SLC4A10: variants seen among roughly 807,000 people sequenced by gnomAD.
SLC4A10 encodes the protein solute carrier family 4 member 10.
Under a neutral mutation model 137.7 loss-of-function variants are expected in SLC4A10, and 42 were observed. The ratio of observed to expected loss-of-function variants is 0.30; its 90% CI spans 0.24 to 0.39. SLC4A10 has a LOEUF of 0.39. Ranked by LOEUF, SLC4A10 falls within the 10% of genes least tolerant of loss-of-function variation. The probability of loss-of-function intolerance (pLI) is 1.00; values close to 1 mark genes in which losing one functional copy is unlikely to be tolerated. For synonymous variants in SLC4A10, 474 were observed against 464.1 expected (o/e 1.02, Z -0.27); for missense variants, 925 against 1,355.0 (o/e 0.68, Z 4.98).
chr2:161,639,744 T>G (rs1000072849), intron 1 of SLC4A10, among the ~76,000 whole-genome samples: 1 of 152,148 alleles, frequency 6.6e-6, no homozygotes, highest in African/African-American at 2.4e-5. Flanking sequence ...CCACTTTTAT[T>G]CAACATAATT....
intron 1 of SLC4A10, among the ~76,000 whole-genome samples, chr2:161,634,545 C>T (rs533046477): frequency 4.0e-5 from 6 of 151,862 alleles, no homozygotes; most frequent in South Asian, 4.1e-4. Flanking sequence ...TGCCTCATGA[C>T]TTTTTAAAAC....
intron 11 of SLC4A10, among the ~76,000 whole-genome samples, chr2:161,898,313 A>G (rs1473976920): frequency 6.6e-6 from 1 of 152,108 alleles, no homozygotes; most frequent in East Asian, 1.9e-4. Flanking sequence ...AAATAGACAT[A>G]TGTAGTTTGT....
intron 1 of SLC4A10, among the ~76,000 whole-genome samples, chr2:161,757,897 C>A (rs928939570): frequency 1.3e-5 from 2 of 151,930 alleles, no homozygotes; most frequent in Non-Finnish European, 2.9e-5. Flanking sequence ...ACAAACTTAA[C>A]CCAAAGAATA....
chr2:161,777,990 G>A (rs2052577808), intron 2 of SLC4A10, among the ~76,000 whole-genome samples: 1 of 151,930 alleles, frequency 6.6e-6, no homozygotes, highest in Non-Finnish European at 1.5e-5. Flanking sequence ...GTTTATACAG[G>A]ATGAATTTCT....
intron 1 of SLC4A10, among the ~76,000 whole-genome samples, chr2:161,754,976 A>G (rs1308463489): frequency 6.6e-6 from 1 of 152,184 alleles, no homozygotes; most frequent in Non-Finnish European, 1.5e-5. Context: ...GATGCAGGTA[A>G]AAACTTGAAC....
chr2:161,805,703 GGT>G (rs2055873886), intron 3 of SLC4A10, among the ~76,000 whole-genome samples: 1 of 152,190 alleles, frequency 6.6e-6, no homozygotes, highest in Non-Finnish European at 1.5e-5. Context: ...TGGTTCTCAT[GGT>G]CTTGGGCAGC....
intron 3 of SLC4A10, among the ~76,000 whole-genome samples, chr2:161,813,169 T>C (rs1329902244): frequency 1.3e-5 from 2 of 152,062 alleles, no homozygotes; most frequent in African/African-American, 2.4e-5. Context: ...ATTTTTACTC[T>C]CCATTGATTT....
intron 1 of SLC4A10, among the ~76,000 whole-genome samples, chr2:161,658,003 G>A (rs185672178): frequency 3.9e-4 from 59 of 152,226 alleles, no homozygotes; most frequent in African/African-American, 1.0e-3. Flanking sequence ...CTTGTTAATA[G>A]CAGGGCATTT....
chr2:161,767,200 GTGTA>G (rs1248186492), intron 1 of SLC4A10, among the ~76,000 whole-genome samples: 2,086 of 95,626 alleles, frequency 0.022, 53 homozygotes, highest in Middle Eastern at 0.056. Flanking sequence ...GTGTGTGTGT[GTGTA>G]TATATATATA....
At chr2:161,693,966 G>T (rs2042245716) in intron 1 of SLC4A10, among the ~76,000 whole-genome samples, 1 of 151,764 alleles carries the variant, frequency 6.6e-6, no homozygotes, top group South Asian at 2.1e-4. Context: ...GTTTCTTAGG[G>T]TGCAAGTTTA....
intron 1 of SLC4A10, among the ~76,000 whole-genome samples, chr2:161,746,780 G>A (rs1424252859): frequency 6.6e-6 from 1 of 152,098 alleles, no homozygotes; most frequent in African/African-American, 2.4e-5. Context: ...CAAGGCCCAA[G>A]CACTCTTTAG....
chr2:161,731,995 G>A (rs541345503), intron 1 of SLC4A10, among the ~76,000 whole-genome samples: 1 of 152,176 alleles, frequency 6.6e-6, no homozygotes, highest in African/African-American at 2.4e-5. Flanking sequence ...TTATTACAAA[G>A]GATATGGCAA....
At chr2:161,663,461 G>T (rs1350026648) in intron 1 of SLC4A10, among the ~76,000 whole-genome samples, 1 of 151,980 alleles carries the variant, frequency 6.6e-6, no homozygotes, top group Non-Finnish European at 1.5e-5. Context: ...CCTTTTAAAG[G>T]CCATATGTTA....
intron 1 of SLC4A10, among the ~76,000 whole-genome samples, chr2:161,670,591 G>T (rs1445836965): frequency 6.6e-6 from 1 of 151,888 alleles, no homozygotes; most frequent in East Asian, 1.9e-4. Context: ...TACTAACAAG[G>T]TATTTATTAT....
intron 2 of SLC4A10, among the ~76,000 whole-genome samples, chr2:161,777,612 T>C (rs1574917158): frequency 6.6e-6 from 1 of 151,944 alleles, no homozygotes; most frequent in East Asian, 1.9e-4. Flanking sequence ...ACATCTTACA[T>C]GGATGGCAGC....
chr2:161,753,855 G>GTTAGTTAT (rs1553525343), intron 1 of SLC4A10, among the ~76,000 whole-genome samples: 6 of 134,796 alleles, frequency 4.5e-5, no homozygotes, highest in African/African-American at 1.1e-4. Context: ...AATAACTCGA[G>GTTAGTTAT]TTATTTATTT....
At chr2:161,662,466 G>C (rs2038550674) in intron 1 of SLC4A10, among the ~76,000 whole-genome samples, 1 of 152,050 alleles carries the variant, frequency 6.6e-6, no homozygotes. Context: ...TAGGTAGCCT[G>C]TATTACAAAA....
intron 3 of SLC4A10, among the ~76,000 whole-genome samples, chr2:161,831,271 T>TTATTTCAA (rs2058419029): frequency 6.6e-6 from 1 of 152,216 alleles, no homozygotes; most frequent in South Asian, 2.1e-4. Context: ...TGTAATCTAA[T>TTATTTCAA]TATTTCAATA....
At chr2:161,865,715 C>A (rs1177468916) in intron 6 of SLC4A10, among the ~76,000 whole-genome samples, 5 of 151,878 alleles carry the variant, frequency 3.3e-5, no homozygotes, top group African/African-American at 1.2e-4. Context: ...GTACAAAAGA[C>A]CTTTACTGCT....
Sources: gnomAD v4.1 joint callset for allele counts (sites outside exome capture counted in the v4.1 genomes callset) on GRCh38, gnomAD v4.1.1 for gene constraint, MANE v1.5 for transcripts, NCBI Gene and HGNC (gene_info 2026-07-23, HGNC 2026-07-21) for gene names.